IPO5: variants seen among roughly 807,000 people sequenced by gnomAD.
IPO5 encodes importin 5, also known as importin-5.
In IPO5, 18 loss-of-function variants were observed where a neutral mutation model predicts 143.3. The ratio of observed to expected loss-of-function variants is 0.13; its 90% confidence interval spans 0.09 to 0.19. IPO5 has a LOEUF of 0.19. Among genes scored for constraint, IPO5 ranks in the 10% least tolerant of loss-of-function variants. The pLI, the probability that IPO5 is intolerant of heterozygous loss-of-function variation, is 1.00. For missense variants in IPO5, 1,013 were observed against 1,336.9 expected, an observed-to-expected ratio of 0.76 and a Z score of 3.78; for synonymous variants, 477 against 465.7, an observed-to-expected ratio of 1.02 and a Z score of -0.31.
intron 21 of IPO5, among the ~76,000 whole-genome samples, chr13:98,013,705 T>C (rs1218112170): frequency 6.6e-6 from 1 of 152,230 alleles, no homozygotes; most frequent in Non-Finnish European, 1.5e-5. Flanking sequence ...CTTCAGTTGC[T>C]TTTATTAGAA....
At chr13:98,003,805 C>T (rs1013570942) in intron 16 of IPO5, among the ~76,000 whole-genome samples, 1 of 151,864 alleles carries the variant, frequency 6.6e-6, no homozygotes, top group African/African-American at 2.4e-5. Flanking sequence ...TGAGGTGGTG[C>T]CACTGCCCTT....
At chr13:98,000,253 C>G (rs998744182) in intron 12 of IPO5, among the ~76,000 whole-genome samples, 1 of 151,786 alleles carries the variant, frequency 6.6e-6, no homozygotes, top group African/African-American at 2.4e-5. Context: ...CCACTGCGCT[C>G]CAGCCTGGGT....
intron 11 of IPO5, 32 bp from the exon 12 acceptor site, chr13:97,997,497 CAG>C: frequency 4.1e-6 from 5 of 1,211,434 alleles, no homozygotes; most frequent in Non-Finnish European, 6.0e-6. Context: ...GATAAAGTCA[CAG>C]TCTTCGGGTA....
At chr13:97,962,608 G>GC (rs1224977585) in intron 2 of IPO5, among the ~76,000 whole-genome samples, 4 of 152,152 alleles carry the variant, frequency 2.6e-5, no homozygotes, top group Admixed American at 1.3e-4. Context: ...CTTGAGGTCA[G>GC]GAGTTCGAGA....
In IPO5 at chr13:97,954,113, A is replaced by G. The variant is rs1269618742; in HGVS notation, c.-192-6A>G. The G allele has an allele frequency of 3.6e-6, 1 of 276,166 alleles. No individual in the cohort carries two copies. Among genetic ancestry groups the G allele is most frequent in the Admixed American group, 4.8e-5 (1 of 20,968 alleles). 17.1% of individuals were successfully genotyped at this position (276,166 alleles called of 1,614,324 possible). On this transcript the variant is annotated splice_polypyrimidine_tract_variant and splice_region_variant and intron_variant, in intron 1 of 28. Coordinates refer to ENST00000651721, the MANE Select transcript of IPO5 (RefSeq NM_002271.6). ...ACAGTCAGAAATCAGTTTTTATTTCACTTAGGTGGTTCCGGGGAGAAGCCT... is the reference window on the plus strand; with the variant it reads ...ACAGTCAGAAATCAGTTTTTATTTCGCTTAGGTGGTTCCGGGGAGAAGCCT...
intron 5 of IPO5, among the ~76,000 whole-genome samples, chr13:97,985,085 G>A (rs1042360724): frequency 2.1e-4 from 32 of 152,268 alleles, no homozygotes; most frequent in Middle Eastern, 3.4e-3. Context: ...AGACAGAGAG[G>A]TAGGAAAAGA....
chr13:97,997,200 T>A (rs1030839050), intron 11 of IPO5, among the ~76,000 whole-genome samples: 1 of 152,332 alleles, frequency 6.6e-6, no homozygotes, highest in South Asian at 2.1e-4. Context: ...TATAGAGATA[T>A]GGAAATCTGT....
At chr13:98,003,776 G>A (rs773112938) in intron 16 of IPO5, among the ~76,000 whole-genome samples, 1 of 152,076 alleles carries the variant, frequency 6.6e-6, no homozygotes, top group Non-Finnish European at 1.5e-5. Context: ...GAACCCGGGA[G>A]GCAGAGGTTG....
Position 97,985,479 on chromosome 13 carries a change from T to C in IPO5, c.230T>C (p.Val77Ala), listed in dbSNP as rs201632580. 6.2e-7 allele frequency: 1 copy of C among 1,614,132 alleles called. No individual in the cohort carries two copies. The highest frequency in any genetic ancestry group is 2.2e-5 in the East Asian group (1 of 44,870). ...CTCTTGTCCTCTGCATTTGATGAAG[T>C]CTATCCAGCACTTCCCTCTGATGTT... ...RRLLSSAFDE[V>A]YPALPSDVQT... The change falls in exon 6 of 29, where the codon GTC becomes GCC. Residue 77 changes from valine to alanine, a missense_variant. Around this residue, in one of 2 missense-constraint regions of IPO5, gnomAD observed 328 missense variants for 342.0 expected, o/e 0.96. Coordinates refer to ENST00000651721, the MANE Select transcript of IPO5 (RefSeq NM_002271.6).
In IPO5 at chr13:97,954,156, A is replaced by G. The variant is rs941106879; in HGVS notation, c.-155A>G. Reference sequence around the variant, plus strand: ...AGAAGCCTTTCCAGGACCCATGTGTAGGCACAACTGTTTTCCCTGATCAGG... The same window carrying G: ...AGAAGCCTTTCCAGGACCCATGTGTGGGCACAACTGTTTTCCCTGATCAGG... On this transcript the variant is annotated 5_prime_UTR_variant, in exon 2 of 29. Coordinates refer to ENST00000651721, the MANE Select transcript of IPO5 (RefSeq NM_002271.6). The G allele has an allele frequency of 1.2e-4, 26 of 219,312 alleles. No homozygotes were observed. The highest frequency in any genetic ancestry group is 5.6e-4 in the African/African-American group (24 of 43,048). The allele number at this position is 219,312 out of a possible 1,614,324, so 13.6% of individuals were successfully genotyped here.
At chr13:98,013,558 G>A (rs534110487) in intron 21 of IPO5, among the ~76,000 whole-genome samples, 11 of 152,180 alleles carry the variant, frequency 7.2e-5, no homozygotes, top group Admixed American at 5.9e-4. Flanking sequence ...AGGACAAAGC[G>A]GGATTGCTTT....
At chr13:97,969,911 C>G in intron 3 of IPO5, 81 bp downstream of exon 3, 1 of 1,092,474 alleles carries the variant, frequency 9.2e-7, no homozygotes, top group Non-Finnish European at 1.4e-6. Context: ...GTTGCCCAGG[C>G]TGGTCTCGAA....
At chr13:98,011,932 C>G (rs17190378) in intron 20 of IPO5, among the ~76,000 whole-genome samples, 3,034 of 152,102 alleles carry the variant, frequency 0.02, 36 homozygotes, top group Non-Finnish European at 0.031. Context: ...TTAAGTGATA[C>G]ATTTTGTTTG....
chr13:97,989,038 A>T, intron 6 of IPO5, 24 bp from the exon 7 acceptor site: 1 of 1,398,866 alleles, frequency 7.1e-7, no homozygotes, highest in South Asian at 1.2e-5. Context: ...ACACAACTTT[A>T]TGTCTGGATT....
chr13:97,970,631 AAAAAAGCAT>A (rs1486020376), intron 3 of IPO5, among the ~76,000 whole-genome samples: 1 of 152,146 alleles, frequency 6.6e-6, no homozygotes, highest in African/African-American at 2.4e-5. Context: ...AAAAAAAAAG[AAAAAAGCAT>A]ACCTCAGTTC....
chr13:97,957,202 T>A (rs915169877), intron 2 of IPO5, among the ~76,000 whole-genome samples: 2 of 152,084 alleles, frequency 1.3e-5, no homozygotes, highest in African/African-American at 4.8e-5. Context: ...CATCTTTTTT[T>A]TTTTCTATTT....
intron 28 of IPO5, 132 bp from the exon 29 acceptor site, chr13:98,021,604 A>G (rs958501689): frequency 1.3e-5 from 6 of 458,572 alleles, no homozygotes; most frequent in African/African-American, 3.9e-5. Context: ...TTGCTTTTAC[A>G]ATGATACTCA....
At chr13:98,005,978 T>G (rs1889205633) in intron 16 of IPO5, 152 bp from the exon 17 acceptor site, 1 of 614,722 alleles carries the variant, frequency 1.6e-6, no homozygotes, top group Non-Finnish European at 2.9e-6. Flanking sequence ...TTATAGAAAT[T>G]TCCTCCAAAA....
At chr13:98,015,232 TAGG>T (rs148075207) in intron 22 of IPO5, among the ~76,000 whole-genome samples, 4,396 of 122,122 alleles carry the variant, frequency 0.036, 88 homozygotes, top group Middle Eastern at 0.071. Context: ...TTGTGTTCCT[TAGG>T]AGCTGGTTGT....
Sources: gnomAD v4.1 joint callset for allele counts (sites outside exome capture counted in the v4.1 genomes callset) on GRCh38, gnomAD v4.1.1 for gene constraint, gnomAD v4.1.1 regional missense constraint, MANE v1.5 for transcripts, NCBI Gene and HGNC (gene_info 2026-07-23, HGNC 2026-07-21) for gene names.